Variants in CLIC2 observed in about 807,000 individuals in gnomAD.
CLIC2 encodes the protein chloride intracellular channel protein 2.
A neutral mutation model predicts 14.8 loss-of-function variants in CLIC2; 9 were observed. The observed-to-expected ratio is 0.61, with a 90% CI of 0.37 to 1.06. The LOEUF (loss-of-function observed/expected upper bound fraction) is 1.06, where lower values mean the gene tolerates loss of function less well. CLIC2 is among the 50% of genes least tolerant of loss of function. The probability of loss-of-function intolerance (pLI) is 0.01; values close to 1 mark genes in which losing one functional copy is unlikely to be tolerated. For synonymous variants in CLIC2, 61 were observed against 66.3 expected (o/e 0.92, Z 0.39); for missense variants, 148 against 181.4 (o/e 0.82, Z 1.06).
chrX:155,303,909 C>T (rs1216995801), intron 1 of CLIC2, among the ~76,000 whole-genome samples: 57 of 105,660 alleles, frequency 5.4e-4, no homozygotes, highest in African/African-American at 1.9e-3. Context: ...AATATTGGCC[C>T]CCACTCTCTT....
At chrX:155,310,385 T>C (rs2075069740) in intron 1 of CLIC2, 1 of 249,080 alleles carries the variant, frequency 4.0e-6, no homozygotes, top group African/African-American at 2.9e-5. Context: ...TATGTATGTT[T>C]CTGAAGCCAA....
intron 3 of CLIC2, among the ~76,000 whole-genome samples, chrX:155,296,725 C>T (rs1241819840): frequency 1.8e-5 from 2 of 111,402 alleles, no homozygotes; most frequent in Non-Finnish European, 3.8e-5. Context: ...CTTTACTAAT[C>T]AACAGAGAAA....
At chrX:155,315,372 A>G (rs1324281257) in intron 1 of CLIC2, among the ~76,000 whole-genome samples, 2 of 112,248 alleles carry the variant, frequency 1.8e-5, no homozygotes, top group African/African-American at 6.5e-5. Flanking sequence ...GCATCAGGTA[A>G]CCTATAAAGG....
chrX:155,279,069 C>T (rs1557316116), intron 5 of CLIC2, 80 bp downstream of exon 5: 18 of 732,408 alleles, frequency 2.5e-5, no homozygotes, highest in Admixed American at 6.7e-5. Flanking sequence ...ATAATAATAC[C>T]GCACTGGAAG....
At chrX:155,286,765 G>A (rs5983692) in intron 3 of CLIC2, among the ~76,000 whole-genome samples, 14 of 111,892 alleles carry the variant, frequency 1.3e-4, no homozygotes, top group African/African-American at 4.5e-4. Flanking sequence ...ATGCTAATTT[G>A]CCCCATGTAT....
intron 3 of CLIC2, among the ~76,000 whole-genome samples, chrX:155,297,860 C>CAAAAAAAAAAAAAAAAAAA (rs200891873): frequency 1.4e-3 from 7 of 5,122 alleles, no homozygotes; most frequent in African/African-American, 3.0e-3. Flanking sequence ...ACTCCGGTCT[C>CAAAAAAAAAAAAAAAAAAA]AAAAAAAAAA....
At chrX:155,315,404 AG>A (rs782650776) in intron 1 of CLIC2, among the ~76,000 whole-genome samples, 1 of 112,352 alleles carries the variant, frequency 8.9e-6, no homozygotes, top group South Asian at 3.7e-4. Context: ...GAGTAACAGC[AG>A]GTTTCTCAGC....
At chrX:155,287,950 T>C (rs1338885143) in intron 3 of CLIC2, among the ~76,000 whole-genome samples, 1 of 111,854 alleles carries the variant, frequency 8.9e-6, no homozygotes, top group African/African-American at 3.3e-5. Context: ...ATTCTCATTG[T>C]AGATATCCTT....
At chrX:155,279,821 A>C in intron 4 of CLIC2, 141 bp downstream of exon 4, 1 of 458,416 alleles carries the variant, frequency 2.2e-6, no homozygotes, top group Non-Finnish European at 3.9e-6. Flanking sequence ...ATGCGAGGGA[A>C]TTTCAGAGGA....
intron 1 of CLIC2, among the ~76,000 whole-genome samples, chrX:155,316,070 C>G (rs1005165903): frequency 5.2e-4 from 58 of 111,309 alleles, no homozygotes; most frequent in African/African-American, 1.9e-3. Flanking sequence ...ATATCACAAT[C>G]CTAAATATAT....
chrX:155,315,296 G>A (rs1231739802), intron 1 of CLIC2, among the ~76,000 whole-genome samples: 1 of 112,003 alleles, frequency 8.9e-6, no homozygotes, highest in East Asian at 2.8e-4. Flanking sequence ...AATTGCCTAG[G>A]CACATAGTCA....
At position 155,334,543 on chromosome X, in the gene CLIC2, C is replaced by T. The variant is rs141243712; in HGVS notation, c.-116G>A. ...AGTAATGTTGGTGCTTTAAGAAGACCGTCTAGCTTGTAGTGGACTGAGTCA... is the reference window on the plus strand; with the variant it reads ...AGTAATGTTGGTGCTTTAAGAAGACTGTCTAGCTTGTAGTGGACTGAGTCA... On this transcript the variant is annotated 5_prime_UTR_variant, in exon 1 of 6. Transcript: ENST00000369449. The T allele has an allele frequency of 2.2e-5, 14 of 649,090 alleles. No individual in the cohort carries two copies. The highest frequency in any genetic ancestry group is 8.7e-5 in the African/African-American group (4 of 46,097). 53.5% of individuals were successfully genotyped at this position (649,090 alleles called of 1,213,427 possible). A position where few individuals can be genotyped will look rare whatever the true frequency, so the allele number is the denominator to read the frequency against.
At chrX:155,305,634 A>G (rs2075052772) in intron 1 of CLIC2, among the ~76,000 whole-genome samples, 1 of 112,648 alleles carries the variant, frequency 8.9e-6, no homozygotes, top group Non-Finnish European at 1.9e-5. Context: ...GTGCCTTTCC[A>G]TATGGCCATT....
chrX:155,320,279 A>G (rs2075109701), intron 1 of CLIC2, among the ~76,000 whole-genome samples: 1 of 112,253 alleles, frequency 8.9e-6, no homozygotes, highest in Non-Finnish European at 1.9e-5. Flanking sequence ...TCCTCCCTGC[A>G]GGGGTCGACA....
chrX:155,299,849 A>C (rs1436079062), intron 1 of CLIC2, among the ~76,000 whole-genome samples: 2 of 104,887 alleles, frequency 1.9e-5, no homozygotes, highest in African/African-American at 7.0e-5. Flanking sequence ...TTCTTGCGAT[A>C]GTTTACTGAG....
intron 1 of CLIC2, among the ~76,000 whole-genome samples, chrX:155,300,508 T>C (rs2075012674): frequency 9.0e-6 from 1 of 111,503 alleles, no homozygotes; most frequent in Non-Finnish European, 1.9e-5. Context: ...TTGCGAAAAT[T>C]TTCTCCCATT....
intron 1 of CLIC2, among the ~76,000 whole-genome samples, chrX:155,311,981 G>T (rs781822888): frequency 8.9e-5 from 10 of 111,830 alleles, no homozygotes; most frequent in Non-Finnish European, 1.5e-4. Flanking sequence ...AGGGAATTAT[G>T]GGAGCTACAA....
chrX:155,293,053 G>A, intron 3 of CLIC2: 1 of 625,653 alleles, frequency 1.6e-6, no homozygotes, highest in East Asian at 3.2e-5. Flanking sequence ...GGCCACTCTG[G>A]ATCCTGAGCT....
chrX:155,299,592 A>G (rs1557318772), intron 1 of CLIC2, among the ~76,000 whole-genome samples: 1 of 108,982 alleles, frequency 9.2e-6, no homozygotes, highest in African/African-American at 3.3e-5. Context: ...TTTTATTATT[A>G]TACTTTAAGT....
Sources: allele counts gnomAD v4.1 joint callset (sites outside exome capture counted in the v4.1 genomes callset), GRCh38; gene constraint gnomAD v4.1.1; transcripts MANE v1.5; gene names NCBI Gene and HGNC (gene_info 2026-07-23, HGNC 2026-07-21).